Variants in KLC4 observed in about 807,000 individuals in gnomAD.
The protein encoded by KLC4 is kinesin light chain 4, also known as kinesin-like protein 8.
In KLC4, 49 loss-of-function variants were observed where a neutral mutation model predicts 77.2. That is an observed-to-expected ratio of 0.63 (90% confidence interval 0.50 to 0.80). The LOEUF (loss-of-function observed/expected upper bound fraction) is 0.80, where lower values mean the gene tolerates loss of function less well. Ranked by LOEUF, KLC4 falls within the 30% of genes least tolerant of loss-of-function variation. The pLI is 0.00. For synonymous variants in KLC4, 274 were observed against 314.5 expected (o/e 0.87, Z 1.36); for missense variants, 669 against 793.5 (o/e 0.84, Z 1.89).
chr6:43,067,101 T>TGCCC lies in KLC4; in HGVS notation c.879+18_879+19insGCCC. On this transcript the variant is annotated intron_variant, in intron 6 of 15. Transcript: ENST00000347162. Reference sequence around the variant, plus strand: ...ATCCTGCTGTCAGTATTCCTTGCCCTCCCCACCCCACGCCCCGCACCCCCC... The same window carrying TGCCC: ...ATCCTGCTGTCAGTATTCCTTGCCCTGCCCCCCCACCCCACGCCCCGCACCCCCC... The TGCCC allele has an allele frequency of 1.1e-5, 18 of 1,584,628 alleles. No individual in the cohort carries two copies. Among genetic ancestry groups the TGCCC allele is most frequent in the East Asian group, 2.3e-5 (1 of 44,102 alleles).
rs749479051 is a variant in KLC4, at chr6:43,061,605, A to G, written c.258+12A>G. Reference sequence around the variant, plus strand: ...TGAGTGAGGCCCAGGTGAGAGGGCAAAGGTGGTGCCAAGTGGTCCAGGGTG... The same window carrying G: ...TGAGTGAGGCCCAGGTGAGAGGGCAGAGGTGGTGCCAAGTGGTCCAGGGTG... On this transcript the variant is annotated intron_variant, in intron 2 of 15. Transcript: ENST00000347162. The G allele has an allele frequency of 1.2e-6, 2 of 1,603,090 alleles. No homozygotes were observed. The highest frequency in any genetic ancestry group is 2.2e-5 in the East Asian group (1 of 44,622).
At chr6:43,065,879 T>G (rs868294575) in intron 4 of KLC4, among the ~76,000 whole-genome samples, 178 bp downstream of exon 4, 1 of 152,176 alleles carries the variant, frequency 6.6e-6, no homozygotes, top group Non-Finnish European at 1.5e-5. Context: ...TGAACGAACA[T>G]GTATTAAGCA....
At chr6:43,066,592 T>C in intron 5 of KLC4, 67 bp downstream of exon 5, 2 of 1,432,058 alleles carry the variant, frequency 1.4e-6, no homozygotes, top group Non-Finnish European at 1.9e-6. Flanking sequence ...TCCTTTGGCT[T>C]TCATTTTTCC....
chr6:43,067,895 G>A (rs1272708557), intron 6 of KLC4, among the ~76,000 whole-genome samples: 1 of 120,550 alleles, frequency 8.3e-6, no homozygotes, highest in African/African-American at 4.4e-5. Context: ...GGCGGATCAC[G>A]AGGTCAGGAG....
At position 43,059,696 on chromosome 6, in the gene KLC4, G is replaced by T. The variant is rs369401741; in HGVS notation, c.-26+11G>T. The T allele has an allele frequency of 1.5e-6, 2 of 1,312,346 alleles. No individual in the cohort carries two copies. Among genetic ancestry groups the T allele is most frequent in the African/African-American group, 3.0e-5 (2 of 66,776 alleles). 81.3% of individuals were successfully genotyped at this position (1,312,346 alleles called of 1,614,324 possible). ...ACCGGCAGATTGCAGGTGAGTCTTT[G>T]AGGGTATCCTGGGGCTGAAGGTTAA... is the stretch of plus-strand genomic sequence containing the variant. On this transcript the variant is annotated intron_variant, in intron 1 of 15. Coordinates refer to ENST00000347162, the MANE Select transcript of KLC4 (RefSeq NM_201521.3).
At chr6:43,069,527 G>C (rs1400505825) in intron 6 of KLC4, among the ~76,000 whole-genome samples, 1 of 152,118 alleles carries the variant, frequency 6.6e-6, no homozygotes, top group Non-Finnish European at 1.5e-5. Context: ...TTACAGGTGT[G>C]AGCCACCACA....
intron 1 of KLC4, 194 bp from the exon 2 acceptor site, chr6:43,061,117 C>G: frequency 1.7e-6 from 1 of 605,062 alleles, no homozygotes; most frequent in East Asian, 2.8e-5. Flanking sequence ...ATCTCCCTCT[C>G]GCTTTGCCCA....
chr6:43,073,787 A>G, intron 14 of KLC4, 115 bp from the exon 15 acceptor site: 5 of 854,836 alleles, frequency 5.8e-6, no homozygotes, highest in Non-Finnish European at 9.9e-6. Flanking sequence ...CCAGCCATGG[A>G]GAGAGAGTTT....
At chr6:43,064,736 A>G (rs1765328945) in intron 3 of KLC4, among the ~76,000 whole-genome samples, 1 of 152,206 alleles carries the variant, frequency 6.6e-6, no homozygotes, top group African/African-American at 2.4e-5. Flanking sequence ...AAGTGAGTAG[A>G]TGAATTGCAT....
intron 6 of KLC4, among the ~76,000 whole-genome samples, chr6:43,068,790 A>G (rs1427603412): frequency 2.0e-5 from 3 of 151,792 alleles, no homozygotes; most frequent in Non-Finnish European, 4.4e-5. Context: ...CAGCCTGGGC[A>G]ACAGAGCAAG....
chr6:43,065,708 C>G lies in KLC4; in HGVS notation c.571+7C>G, dbSNP rs1481943758. On this transcript the variant is annotated splice_region_variant and intron_variant, in intron 4 of 15. Coordinates refer to ENST00000347162, the MANE Select transcript of KLC4 (RefSeq NM_201521.3). ...GAGGACCCCAGCAATGGCTGTGAGT[C>G]TGCCTCTGGAATGGGAGGGTGAAAA... 2.5e-6 allele frequency: 4 copies of G among 1,606,560 alleles called. No homozygotes were observed. Among genetic ancestry groups the G allele is most frequent in the Non-Finnish European group, 3.4e-6 (4 of 1,173,628 alleles).
In KLC4 at chr6:43,070,398, G is replaced by T; in HGVS notation, c.924G>T (p.Arg308Ser). The change falls in exon 7 of 16, where the codon AGG (arginine) becomes AGT (serine). Residue 308 changes from arginine (R) to serine (S), a missense_variant. Transcript: ENST00000347162. ...ATTTGGCTGTGCTCTATGGCAAAAGGGGCAAGTACAAGGAGGCAGAGCCTC... is the reference window on the plus strand; with the variant it reads ...ATTTGGCTGTGCTCTATGGCAAAAGTGGCAAGTACAAGGAGGCAGAGCCTC... ...LNNLAVLYGKRGKYKEAEPLC... is the reference protein window; with the variant it reads ...LNNLAVLYGKSGKYKEAEPLC... 6.2e-7 allele frequency: 1 copy of T among 1,614,192 alleles called. No individual in the cohort carries two copies. Among genetic ancestry groups the T allele is most frequent in the South Asian group, 1.1e-5 (1 of 91,078 alleles).
intron 10 of KLC4, 97 bp downstream of exon 10, chr6:43,071,716 G>A: frequency 1.4e-6 from 2 of 1,467,210 alleles, no homozygotes; most frequent in Non-Finnish European, 1.9e-6. Context: ...TCCCATCCCA[G>A]CACCAGCCCC....
chr6:43,070,922 G>C (rs1286055397), intron 8 of KLC4, 57 bp downstream of exon 8: 26 of 394,968 alleles, frequency 6.6e-5, no homozygotes, highest in South Asian at 3.4e-4. Flanking sequence ...ACAGAGGTGG[G>C]GGGAGGGGGG....
chr6:43,060,751 G>T (rs1479162494), intron 1 of KLC4: 1 of 411,218 alleles, frequency 2.4e-6, no homozygotes, highest in Non-Finnish European at 3.4e-6. Context: ...GCTTAGTTCT[G>T]CAGGTGATGC....
intron 6 of KLC4, among the ~76,000 whole-genome samples, chr6:43,069,471 C>T (rs1765616859): frequency 6.6e-6 from 1 of 152,118 alleles, no homozygotes; most frequent in Non-Finnish European, 1.5e-5. Context: ...TCTTGAACTC[C>T]TGACCTCAAG....
At chr6:43,070,887 A>T (rs552635549) in intron 8 of KLC4, 22 bp downstream of exon 8, 16 of 888,406 alleles carry the variant, frequency 1.8e-5, no homozygotes, top group African/African-American at 2.3e-5. Context: ...GGGACAAAGT[A>T]GGTGGAAGAA....
intron 3 of KLC4, among the ~76,000 whole-genome samples, chr6:43,063,492 A>G (rs1439200939): frequency 2.0e-5 from 3 of 152,186 alleles, no homozygotes; most frequent in Non-Finnish European, 4.4e-5. Context: ...ACGTGGTACA[A>G]TTAGGGAAAG....
intron 6 of KLC4, 127 bp from the exon 7 acceptor site, chr6:43,070,226 AG>A: frequency 1.7e-6 from 1 of 602,128 alleles, no homozygotes. Context: ...CCCTGGCTCC[AG>A]GGTAGTAGAC....
Sources: allele counts gnomAD v4.1 joint callset (sites outside exome capture counted in the v4.1 genomes callset), GRCh38; gene constraint gnomAD v4.1.1; transcripts MANE v1.5; gene names NCBI Gene and HGNC (gene_info 2026-07-23, HGNC 2026-07-21).